Variants in CADM2 observed in about 807,000 individuals in gnomAD.
CADM2 encodes the protein immunoglobulin superfamily member 4D.
Under a neutral mutation model 49.8 loss-of-function variants are expected in CADM2, and 12 were observed. The observed-to-expected ratio is 0.24, with a 90% confidence interval of 0.15 to 0.39. The LOEUF (loss-of-function observed/expected upper bound fraction) is 0.39, where lower values mean the gene tolerates loss of function less well. Ranked by LOEUF, CADM2 falls within the 10% of genes least tolerant of loss-of-function variation. CADM2 has a pLI of 1.00. For synonymous variants in CADM2, 214 were observed against 175.4 expected (o/e 1.22, Z -1.74); for missense variants, 378 against 492.3 (o/e 0.77, Z 2.20).
intron 1 of CADM2, among the ~76,000 whole-genome samples, chr3:85,253,051 CA>C (rs1203426459): frequency 6.6e-6 from 1 of 151,922 alleles, no homozygotes; most frequent in Non-Finnish European, 1.5e-5. Flanking sequence ...AACAAACAAG[CA>C]AAAAACCAAA....
At chr3:85,509,793 C>T (rs1169174457) in intron 1 of CADM2, among the ~76,000 whole-genome samples, 5 of 151,992 alleles carry the variant, frequency 3.3e-5, no homozygotes, top group Non-Finnish European at 7.4e-5. Flanking sequence ...ATACTGCTTC[C>T]TGAACACAGT....
intron 1 of CADM2, among the ~76,000 whole-genome samples, chr3:85,474,407 G>A (rs945794475): frequency 1.3e-4 from 20 of 151,814 alleles, no homozygotes; most frequent in Non-Finnish European, 2.5e-4. Flanking sequence ...GCCTACCCAC[G>A]TCATATTCAT....
chr3:85,568,168 G>A (rs2062324904), intron 1 of CADM2, among the ~76,000 whole-genome samples: 1 of 152,186 alleles, frequency 6.6e-6, no homozygotes, highest in East Asian at 1.9e-4. Flanking sequence ...GAGGGGAAGA[G>A]GGGGAACGCT....
chr3:84,984,227 C>T (rs898778459), intron 1 of CADM2, among the ~76,000 whole-genome samples: 4 of 151,828 alleles, frequency 2.6e-5, no homozygotes, highest in Non-Finnish European at 5.9e-5. Flanking sequence ...TGTGTAGGCA[C>T]ACAAAAGTGT....
intron 8 of CADM2, among the ~76,000 whole-genome samples, chr3:86,043,823 A>G (rs532376203): frequency 6.6e-6 from 1 of 152,240 alleles, no homozygotes; most frequent in Non-Finnish European, 1.5e-5. Flanking sequence ...CTACAAGGCT[A>G]CAGTAAACAA....
intron 1 of CADM2, among the ~76,000 whole-genome samples, chr3:85,066,599 G>C (rs2036537734): frequency 1.3e-5 from 2 of 151,918 alleles, no homozygotes; most frequent in African/African-American, 4.8e-5. Flanking sequence ...TCATCACCAG[G>C]CTGCTGAATG....
At chr3:85,302,406 A>G (rs140901404) in intron 1 of CADM2, among the ~76,000 whole-genome samples, 4 of 152,146 alleles carry the variant, frequency 2.6e-5, no homozygotes, top group Admixed American at 1.3e-4. Context: ...GTGACTTGAC[A>G]TAGCTAGAGA....
At chr3:85,062,019 C>G (rs1233659996) in intron 1 of CADM2, among the ~76,000 whole-genome samples, 2 of 151,712 alleles carry the variant, frequency 1.3e-5, no homozygotes, top group African/African-American at 4.8e-5. Flanking sequence ...CATTCTGTCT[C>G]TCTGTCTCTG....
intron 1 of CADM2, among the ~76,000 whole-genome samples, chr3:85,056,648 T>C (rs2036090252): frequency 6.6e-6 from 1 of 152,072 alleles, no homozygotes; most frequent in South Asian, 2.1e-4. Flanking sequence ...ATTTAATATC[T>C]CCACAGGACT....
intron 1 of CADM2, among the ~76,000 whole-genome samples, chr3:85,408,628 A>T (rs1172765610): frequency 6.6e-6 from 1 of 152,208 alleles, no homozygotes; most frequent in Non-Finnish European, 1.5e-5. Flanking sequence ...TCTAAGTGAC[A>T]GAGATATCCC....
At chr3:85,944,544 T>A (rs1012224177) in intron 7 of CADM2, among the ~76,000 whole-genome samples, 11 of 152,100 alleles carry the variant, frequency 7.2e-5, no homozygotes, top group Admixed American at 7.2e-4. Context: ...TCAGCAAATG[T>A]AAAATAATAG....
intron 1 of CADM2, among the ~76,000 whole-genome samples, chr3:85,231,760 T>C (rs2042294834): frequency 6.6e-6 from 1 of 150,934 alleles, no homozygotes; most frequent in Admixed American, 6.6e-5. Flanking sequence ...TCACCTGGGC[T>C]AGAGTGTAAT....
chr3:85,775,289 C>G (rs1348742828), intron 2 of CADM2, among the ~76,000 whole-genome samples: 8 of 151,702 alleles, frequency 5.3e-5, no homozygotes, highest in Admixed American at 3.9e-4. Flanking sequence ...AAATGGGAGT[C>G]CATTTACATT....
chr3:85,691,125 C>G (rs964012738), intron 1 of CADM2, among the ~76,000 whole-genome samples: 2 of 152,190 alleles, frequency 1.3e-5, no homozygotes, highest in African/African-American at 4.8e-5. Flanking sequence ...CTCTCCTCTA[C>G]TTCTTTGAAA....
chr3:84,986,827 G>A (rs2032590763), intron 1 of CADM2, among the ~76,000 whole-genome samples: 2 of 151,622 alleles, frequency 1.3e-5, no homozygotes, highest in Non-Finnish European at 2.9e-5. Flanking sequence ...TGAGGCGGGT[G>A]GATCACCTGA....
chr3:85,339,637 A>G (rs2107187154), intron 1 of CADM2, among the ~76,000 whole-genome samples: 1 of 151,510 alleles, frequency 6.6e-6, no homozygotes, highest in East Asian at 1.9e-4. Context: ...TTTTGTGGGA[A>G]TGACTGAGTT....
chr3:85,283,425 T>C (rs1480297082), intron 1 of CADM2, among the ~76,000 whole-genome samples: 1 of 151,828 alleles, frequency 6.6e-6, no homozygotes, highest in Non-Finnish European at 1.5e-5. Flanking sequence ...ATTCTGTAAA[T>C]GTAAGGATTG....
chr3:85,609,898 G>A (rs1029745944), intron 1 of CADM2, among the ~76,000 whole-genome samples: 2 of 151,952 alleles, frequency 1.3e-5, no homozygotes, highest in African/African-American at 4.8e-5. Flanking sequence ...TAATCATAGA[G>A]GAAGAAGGAA....
intron 1 of CADM2, among the ~76,000 whole-genome samples, chr3:85,530,476 GC>G (rs1478655888): frequency 4.0e-5 from 6 of 151,570 alleles, no homozygotes; most frequent in African/African-American, 9.7e-5. Flanking sequence ...GACTACAGGC[GC>G]CCGCCACCAC....
Sources: allele counts gnomAD v4.1 joint callset (sites outside exome capture counted in the v4.1 genomes callset), GRCh38; gene constraint gnomAD v4.1.1; transcripts MANE v1.5; gene names NCBI Gene and HGNC (gene_info 2026-07-23, HGNC 2026-07-21).